Variants in COL25A1 observed in about 807,000 individuals in gnomAD.
The protein encoded by COL25A1 is collagen type XXV alpha 1 chain, also known as collagen alpha-1(XXV) chain.
COL25A1 carries 103 observed loss-of-function variants against 128.4 expected under a neutral mutation model. The ratio of observed to expected loss-of-function variants is 0.80; its 90% CI spans 0.68 to 0.94. The LOEUF (loss-of-function observed/expected upper bound fraction) is 0.94. Ranked by LOEUF, COL25A1 falls within the 40% of genes least tolerant of loss-of-function variation. COL25A1 has a pLI of 0.00. For synonymous variants in COL25A1, 279 were observed against 277.2 expected (o/e 1.01, Z -0.06); for missense variants, 745 against 840.0 (o/e 0.89, Z 1.40).
At chr4:108,958,048 T>C (rs1750270458) in intron 8 of COL25A1, among the ~76,000 whole-genome samples, 1 of 152,174 alleles carries the variant, frequency 6.6e-6, no homozygotes, top group Non-Finnish European at 1.5e-5. Context: ...TTATGTTGTC[T>C]TTTTTATTTT....
intron 3 of COL25A1, among the ~76,000 whole-genome samples, chr4:109,276,723 C>A (rs1722887855): frequency 6.6e-6 from 1 of 152,064 alleles, no homozygotes; most frequent in African/African-American, 2.4e-5. Flanking sequence ...TACTGCAATT[C>A]TTGAATTCTC....
At chr4:108,904,969 AC>A (rs1277541405) in intron 13 of COL25A1, among the ~76,000 whole-genome samples, 2 of 152,170 alleles carry the variant, frequency 1.3e-5, no homozygotes, top group Non-Finnish European at 2.9e-5. Flanking sequence ...TCAAGGCCAT[AC>A]AATTATTTCA....
intron 3 of COL25A1, among the ~76,000 whole-genome samples, chr4:109,130,977 G>C (rs967181831): frequency 6.6e-6 from 1 of 152,138 alleles, no homozygotes; most frequent in Non-Finnish European, 1.5e-5. Context: ...AATCATGATA[G>C]TTTTATACCA....
At chr4:108,827,296 A>C in intron 32 of COL25A1, 108 bp from the exon 33 acceptor site, 1 of 975,876 alleles carries the variant, frequency 1.0e-6, no homozygotes, top group Non-Finnish European at 1.6e-6. Context: ...TTCTATGAAA[A>C]TCTCAAAGAT....
chr4:109,054,692 T>C (rs532523052), intron 3 of COL25A1, among the ~76,000 whole-genome samples: 6 of 152,224 alleles, frequency 3.9e-5, no homozygotes, highest in African/African-American at 1.2e-4. Context: ...AAAAATACTC[T>C]TATTCAGAGT....
intron 16 of COL25A1, among the ~76,000 whole-genome samples, chr4:108,890,340 C>A (rs981678209): frequency 6.6e-6 from 1 of 152,198 alleles, no homozygotes; most frequent in Non-Finnish European, 1.5e-5. Context: ...GTAACTCAGG[C>A]ACCAGGAAGT....
At chr4:109,137,639 A>C (rs1769924256) in intron 3 of COL25A1, among the ~76,000 whole-genome samples, 1 of 152,188 alleles carries the variant, frequency 6.6e-6, no homozygotes, top group Non-Finnish European at 1.5e-5. Flanking sequence ...ATATCCCATT[A>C]GATTATAGAA....
chr4:109,127,971 A>G (rs1419033654), intron 3 of COL25A1, among the ~76,000 whole-genome samples: 1 of 149,944 alleles, frequency 6.7e-6, no homozygotes, highest in Non-Finnish European at 1.5e-5. Context: ...GAGGCAGAGC[A>G]GGGACGCTCT....
At chr4:109,220,399 T>C (rs1459308365) in intron 3 of COL25A1, among the ~76,000 whole-genome samples, 5 of 152,172 alleles carry the variant, frequency 3.3e-5, no homozygotes, top group East Asian at 1.9e-4. Flanking sequence ...GGCAGAATTT[T>C]ATGAACAAAA....
At chr4:108,997,396 T>A (rs894121446) in intron 6 of COL25A1, among the ~76,000 whole-genome samples, 6 of 152,098 alleles carry the variant, frequency 3.9e-5, no homozygotes, top group African/African-American at 1.4e-4. Context: ...AATTCCTGGA[T>A]ACTTACAACC....
At chr4:109,261,573 G>A (rs559991787) in intron 3 of COL25A1, among the ~76,000 whole-genome samples, 15 of 152,214 alleles carry the variant, frequency 9.9e-5, no homozygotes, top group African/African-American at 3.6e-4. Context: ...CCCGTTAGTA[G>A]GCAAAGTTTG....
chr4:109,127,264 G>A (rs1281633173), intron 3 of COL25A1, among the ~76,000 whole-genome samples: 5 of 152,102 alleles, frequency 3.3e-5, no homozygotes, highest in East Asian at 3.8e-4. Flanking sequence ...TCTATAAGGC[G>A]TAATAGAACT....
intron 5 of COL25A1, among the ~76,000 whole-genome samples, chr4:109,012,599 C>T (rs1268106375): frequency 6.6e-6 from 1 of 152,152 alleles, no homozygotes; most frequent in Non-Finnish European, 1.5e-5. Flanking sequence ...CAGCCCTGGG[C>T]AGTAAGGGGC....
At chr4:108,865,079 G>C (rs1041358659) in intron 20 of COL25A1, among the ~76,000 whole-genome samples, 2 of 152,138 alleles carry the variant, frequency 1.3e-5, no homozygotes, top group Non-Finnish European at 2.9e-5. Flanking sequence ...TTGCTAAATT[G>C]CCCTCCAGGA....
Position 108,817,574 on chromosome 4 carries a change from C to T in COL25A1, c.1924-139G>A, listed in dbSNP as rs538239841. ...ATGGGCATCTTTTACTAATTAGCAA[C>T]TCCCGATATATTTCCCAGTGTTAGG... On this transcript the variant is annotated intron_variant, in intron 36 of 37. Transcript: ENST00000399132. 16 of 645,656 alleles carry T rather than the reference C, an allele frequency of 2.5e-5. No individual in the cohort carries two copies. The East Asian group carries it at 4.3e-4, about 17-fold the overall frequency. The allele number at this position is 645,656 out of a possible 1,614,324, so 40.0% of individuals were successfully genotyped here.
At position 109,143,502 on chromosome 4, in the gene COL25A1, T is replaced by A. The variant is rs150247917; in HGVS notation, c.368-93323A>T. Among the ~76,000 whole-genome samples the A allele has an allele frequency of 1.1e-3, 168 of 152,312 alleles. 1 individual carries two copies. Among genetic ancestry groups the A allele is most frequent in the African/African-American group, 3.9e-3 (162 of 41,564 alleles). On this transcript the variant is annotated intron_variant, in intron 3 of 37. Transcript: ENST00000399132. ...CTGGATAATATCCTAAAGAGTGTCTTCCAACTTGATTCCATTCTCCCCGTC... is the reference window on the plus strand; with the variant it reads ...CTGGATAATATCCTAAAGAGTGTCTACCAACTTGATTCCATTCTCCCCGTC...
chr4:109,237,765 T>C (rs919757078), intron 3 of COL25A1, among the ~76,000 whole-genome samples: 1 of 151,954 alleles, frequency 6.6e-6, no homozygotes, highest in Non-Finnish European at 1.5e-5. Flanking sequence ...CTACCACCCA[T>C]CCACAGAACA....
chr4:109,017,180 C>T (rs995586020), intron 5 of COL25A1, among the ~76,000 whole-genome samples: 2 of 152,334 alleles, frequency 1.3e-5, no homozygotes, highest in South Asian at 2.1e-4. Context: ...CAGGTTTGCA[C>T]AGAGCCGGCA....
intron 5 of COL25A1, among the ~76,000 whole-genome samples, chr4:109,043,542 A>G (rs1760131877): frequency 6.6e-6 from 1 of 151,710 alleles, no homozygotes; most frequent in South Asian, 2.1e-4. Flanking sequence ...TCAGTCAAGC[A>G]TAATCATAGG....
Sources: allele counts gnomAD v4.1 joint callset (sites outside exome capture counted in the v4.1 genomes callset), GRCh38; gene constraint gnomAD v4.1.1; transcripts MANE v1.5; gene names NCBI Gene and HGNC (gene_info 2026-07-23, HGNC 2026-07-21).